Variants in SMPD4 observed in about 807,000 individuals in gnomAD.
The protein encoded by SMPD4 is neutral sphingomyelinase 3.
A neutral mutation model predicts 97.8 loss-of-function variants in SMPD4; 58 were observed. The ratio of observed to expected loss-of-function variants is 0.59; its 90% confidence interval spans 0.48 to 0.74. SMPD4 has a LOEUF of 0.74. Among genes scored for constraint, SMPD4 ranks in the 30% least tolerant of loss-of-function variants. The pLI, the probability that SMPD4 is intolerant of heterozygous loss-of-function variation, is 0.00. For synonymous variants in SMPD4, 388 were observed against 450.0 expected (o/e 0.86, Z 1.74); for missense variants, 853 against 1,080.5 (o/e 0.79, Z 2.95).
rs1197464042 is a variant in SMPD4, at chr2:130,151,859, G to A, written c.*696C>T. On this transcript the variant is annotated 3_prime_UTR_variant, in exon 20 of 20. Coordinates refer to ENST00000680298, the MANE Select transcript of SMPD4 (RefSeq NM_017951.5). ...GAGGACCAGCACCCATCTGTGACAAGGCACAGGGGTCCGCGATGTTGGCCA... is the reference window on the plus strand; with the variant it reads ...GAGGACCAGCACCCATCTGTGACAAAGCACAGGGGTCCGCGATGTTGGCCA... The A allele has an allele frequency of 6.6e-6, 1 of 152,118 alleles. No homozygotes were observed. 9.4% of individuals were successfully genotyped at this position (152,118 alleles called of 1,614,324 possible). A position where few individuals can be genotyped will look rare whatever the true frequency, so the allele number is the denominator to read the frequency against.
Position 130,153,859 on chromosome 2 carries a change from G to A in SMPD4, c.1736C>T (p.Pro579Leu), listed in dbSNP as rs756125990. Residue 579 changes from proline to leucine, a missense_variant, in exon 17 of 20, where the codon CCG becomes CTG. This residue lies in a region of SMPD4 where 511 missense variants were observed against 608.1 expected (regional missense o/e 0.84). Coordinates refer to ENST00000680298, the MANE Select transcript of SMPD4 (RefSeq NM_017951.5). ...CCATGAGAGGAAGGAGTGGCCAGCCGGGCTCTCCGCACACTGGTCGGAGAT... is the reference window on the plus strand; with the variant it reads ...CCATGAGAGGAAGGAGTGGCCAGCCAGGCTCTCCGCACACTGGTCGGAGAT... ...KSISDQCAES[P>L]AGHSFLSWLG... is the part of the protein sequence containing the mutation. The A allele has an allele frequency of 2.2e-5, 35 of 1,613,772 alleles. No homozygotes were observed. Among genetic ancestry groups the A allele is most frequent in the East Asian group, 4.5e-5 (2 of 44,884 alleles).
At chr2:130,157,508 G>T in intron 11 of SMPD4, 112 bp from the exon 12 acceptor site, 1 of 1,529,184 alleles carries the variant, frequency 6.5e-7, no homozygotes, top group Non-Finnish European at 8.8e-7. Context: ...TGCCCCCACG[G>T]GAGGCATGAG....
intron 3 of SMPD4, among the ~76,000 whole-genome samples, chr2:130,174,350 A>C (rs1346406544): frequency 1.3e-5 from 2 of 152,220 alleles, no homozygotes; most frequent in Admixed American, 1.3e-4. Flanking sequence ...GAAACTTCTG[A>C]CTTGAAGGAT....
intron 11 of SMPD4, among the ~76,000 whole-genome samples, 174 bp downstream of exon 11, chr2:130,161,012 A>G (rs1328360373): frequency 2.0e-5 from 3 of 152,054 alleles, no homozygotes; most frequent in Non-Finnish European, 4.4e-5. Flanking sequence ...ACTAGTCTAC[A>G]AAGCCAGGGG....
At chr2:130,166,486 G>A (rs1304645933) in intron 9 of SMPD4, among the ~76,000 whole-genome samples, 5 of 152,206 alleles carry the variant, frequency 3.3e-5, no homozygotes, top group East Asian at 1.9e-4. Context: ...CAGGGGCAAC[G>A]GTTCTTACCA....
In SMPD4 at chr2:130,154,345, G is replaced by C; in HGVS notation, c.1591C>G (p.His531Asp). 6.2e-7 allele frequency: 1 copy of C among 1,611,920 alleles called. No homozygotes were observed. The highest frequency in any genetic ancestry group is 8.5e-7 in the Non-Finnish European group (1 of 1,179,244). ...TCCTGGCCCTCCAGGCTGTAGACGT[G>C]GCTCTTCACCTTGAAGGAGGCATCA... ...VTDASFKVKSHVYSLEGQDCK... is the reference protein window; with the variant it reads ...VTDASFKVKSDVYSLEGQDCK... Residue 531 changes from histidine to aspartate, a missense_variant, in exon 16 of 20, where the codon CAC (histidine) becomes GAC (aspartate). Coordinates refer to ENST00000680298, the MANE Select transcript of SMPD4 (RefSeq NM_017951.5).
At position 130,153,820 on chromosome 2, in the gene SMPD4, G is replaced by T; in HGVS notation, c.1775C>A (p.Ser592Tyr). ...HSFLSWLGFS[S>Y]MDTNGSYTAN... is the part of the protein sequence containing the mutation. Reference sequence around the variant, plus strand: ...TGTGTAGGAGCCATTGGTGTCCATGGAGCTAAAGCCCAGCCATGAGAGGAA... The same window carrying T: ...TGTGTAGGAGCCATTGGTGTCCATGTAGCTAAAGCCCAGCCATGAGAGGAA... The change falls in exon 17 of 20, where the codon TCC becomes TAC. Residue 592 changes from serine (S) to tyrosine (Y), a missense_variant. Physicochemically the swap from Ser to Tyr is moderately radical, Grantham distance 144. Around this residue, in one of 3 missense-constraint regions of SMPD4, gnomAD observed 511 missense variants for 608.1 expected, o/e 0.84. Transcript: ENST00000680298. 10 of 1,614,024 alleles carry T rather than the reference G, an allele frequency of 6.2e-6. No homozygotes were observed. Among genetic ancestry groups the T allele is most frequent in the Non-Finnish European group, 7.6e-6 (9 of 1,179,878 alleles).
chr2:130,160,422 C>T (rs1687276270), intron 11 of SMPD4, among the ~76,000 whole-genome samples: 1 of 152,244 alleles, frequency 6.6e-6, no homozygotes. Flanking sequence ...GCCCGTCTCC[C>T]CCGGCTCTCA....
intron 1 of SMPD4, among the ~76,000 whole-genome samples, chr2:130,180,176 G>A (rs545798683): frequency 2.8e-5 from 4 of 143,070 alleles, no homozygotes; most frequent in African/African-American, 1.0e-4. Context: ...TGTTAGCCAG[G>A]ATGGTCTCGA....
rs747737640 is a variant in SMPD4, at chr2:130,153,124, C to T, written c.2073G>A (p.Pro691=). The T allele has an allele frequency of 1.1e-5, 18 of 1,613,792 alleles. No homozygotes were observed. Among genetic ancestry groups the T allele is most frequent in the South Asian group, 2.2e-5 (2 of 91,086 alleles). ...CATAGCTCCGGATGGGCTGCAGCTC[C>T]GGGTCCCCCTGGTACTCAATTTCAA... is the stretch of plus-strand genomic sequence containing the variant. The part of the protein sequence containing the change: ...RRFEIEYQGD[P]ELQPIRSYEI... Residue 691 remains proline, a synonymous_variant, in exon 19 of 20, where the codon CCG becomes CCA. Transcript: ENST00000680298.
chr2:130,169,628 C>T (rs1298555143), intron 8 of SMPD4, among the ~76,000 whole-genome samples: 1 of 151,756 alleles, frequency 6.6e-6, no homozygotes, highest in African/African-American at 2.4e-5. Context: ...TGCAGTGGCA[C>T]GCTCACAGCT....
chr2:130,167,640 C>A, intron 8 of SMPD4, 50 bp from the exon 9 acceptor site: 1 of 1,543,920 alleles, frequency 6.5e-7, no homozygotes. Flanking sequence ...CGCTGTAACT[C>A]GCTCCCGCTG....
chr2:130,153,540 G>A (rs753024796), intron 17 of SMPD4, 90 bp from the exon 18 acceptor site: 10 of 1,588,734 alleles, frequency 6.3e-6, no homozygotes, highest in Non-Finnish European at 8.6e-6. Flanking sequence ...TGGCAACAAG[G>A]GGACCCAGCT....
chr2:130,173,547 T>G lies in SMPD4; in HGVS notation c.236A>C (p.Glu79Ala). ...RCLQGRVNPV[E>A]YSIVMEFLDP... ...GAGAAATTCCATCACGATGCTGTAC[T>G]CCACAGGATTCACGCGCCCCTGTAA... is the stretch of plus-strand genomic sequence containing the variant. Residue 79 changes from glutamate to alanine, a missense_variant, in exon 4 of 20, where the codon GAG becomes GCG. Glu to Ala is a moderately radical substitution (Grantham distance 107). This residue lies in a region of SMPD4 where 313 missense variants were observed against 402.2 expected (regional missense o/e 0.78). Coordinates refer to ENST00000680298, the MANE Select transcript of SMPD4 (RefSeq NM_017951.5). 1 of 1,612,414 alleles carries G rather than the reference T, an allele frequency of 6.2e-7. No individual in the cohort carries two copies. The highest frequency in any genetic ancestry group is 8.5e-7 in the Non-Finnish European group (1 of 1,178,990).
intron 1 of SMPD4, among the ~76,000 whole-genome samples, chr2:130,179,590 C>G (rs2104932433): frequency 6.6e-6 from 1 of 151,096 alleles, no homozygotes; most frequent in East Asian, 2.0e-4. Flanking sequence ...TTTCCCTATG[C>G]TGGCCAGGCT....
Position 130,160,099 on chromosome 2 carries a change from G to A in SMPD4, c.951+1087C>T, listed in dbSNP as rs535361648. Among the ~76,000 whole-genome samples, 18 of 152,126 alleles carry A rather than the reference G, an allele frequency of 1.2e-4. No individual in the cohort carries two copies. In the East Asian group the frequency reaches 1.5e-3, roughly 13 times the overall value. ...TTCTTAAGGATGTGTCCCCAAAGCC[G>A]CACATTTCCCACTGGGCTGAGACTC... On this transcript the variant is annotated intron_variant, in intron 11 of 19. Transcript: ENST00000680298.
At chr2:130,156,974 C>T (rs1686867954) in intron 12 of SMPD4, among the ~76,000 whole-genome samples, 1 of 152,214 alleles carries the variant, frequency 6.6e-6, no homozygotes, top group South Asian at 2.1e-4. Context: ...GTCAGGGCCA[C>T]CCCAACTCTT....
chr2:130,173,411 T>C, intron 4 of SMPD4, 57 bp from the exon 5 acceptor site: 1 of 1,600,916 alleles, frequency 6.2e-7, no homozygotes, highest in Non-Finnish European at 8.5e-7. Context: ...GCGAATTATC[T>C]TGCTTTGATT....
At position 130,167,542 on chromosome 2, in the gene SMPD4, G is replaced by T; in HGVS notation, c.708C>A (p.Leu236=). 3 of 1,613,874 alleles carry T rather than the reference G, an allele frequency of 1.9e-6. No individual in the cohort carries two copies. The highest frequency in any genetic ancestry group is 2.5e-6 in the Non-Finnish European group (3 of 1,179,828). Residue 236 remains leucine (L), a synonymous_variant, in exon 9 of 20, where the codon CTC becomes CTA. Coordinates refer to ENST00000680298, the MANE Select transcript of SMPD4 (RefSeq NM_017951.5). ...TCTGATGAGAGATGTGTCGCTTTAG[G>T]AGGCTAGTGTGGTGGAGGCCATAGG... is the stretch of plus-strand genomic sequence containing the variant. ...FASYGLHHTS[L]LKRHISHQTS...
Sources: gnomAD v4.1 joint callset for allele counts (sites outside exome capture counted in the v4.1 genomes callset) on GRCh38, gnomAD v4.1.1 for gene constraint, gnomAD v4.1.1 regional missense constraint, MANE v1.5 for transcripts, NCBI Gene and HGNC (gene_info 2026-07-23, HGNC 2026-07-21) for gene names.